The following NHS variants were observed in gnomAD, a reference collection of about 807,000 sequenced individuals.
NHS encodes the protein NHS actin remodeling regulator.
In NHS, 5 loss-of-function variants were observed where a neutral mutation model predicts 72.5. That is an observed-to-expected ratio of 0.07 (90% CI 0.04 to 0.14). The LOEUF (loss-of-function observed/expected upper bound fraction) is 0.14. NHS is among the 10% of genes least tolerant of loss of function. The pLI, the probability that NHS is intolerant of heterozygous loss-of-function variation, is 1.00. For missense variants in NHS, 1,072 were observed against 1,355.7 expected (o/e 0.79, Z 3.29); for synonymous variants, 464 against 547.7 (o/e 0.85, Z 2.13).
intron 1 of NHS, among the ~76,000 whole-genome samples, chrX:17,500,669 T>G (rs2065032902): frequency 8.9e-6 from 1 of 111,981 alleles, no homozygotes; most frequent in Non-Finnish European, 1.9e-5. Context: ...AGCGGTAACT[T>G]GATGGAAGAC....
chrX:17,394,325 A>G (rs2064461501), intron 1 of NHS, among the ~76,000 whole-genome samples: 1 of 111,818 alleles, frequency 8.9e-6, no homozygotes, highest in African/African-American at 3.3e-5. Context: ...ATAAATTTGA[A>G]CATGGTTTTA....
chrX:17,638,514 A>G (rs918408607), intron 1 of NHS, among the ~76,000 whole-genome samples: 10 of 111,920 alleles, frequency 8.9e-5, no homozygotes, highest in Non-Finnish European at 1.5e-4. Flanking sequence ...TATTGGTTTC[A>G]TCCTCTGAAT....
intron 1 of NHS, among the ~76,000 whole-genome samples, chrX:17,455,393 CATG>C (rs1269867121): frequency 1.8e-5 from 2 of 112,052 alleles, no homozygotes; most frequent in African/African-American, 6.5e-5. Context: ...TCACCATTAT[CATG>C]ATAACATATT....
chrX:17,550,958 A>G (rs1170943103), intron 1 of NHS, among the ~76,000 whole-genome samples: 1 of 110,702 alleles, frequency 9.0e-6, no homozygotes, highest in Non-Finnish European at 1.9e-5. Context: ...GAACACACCA[A>G]GCCCATCCAA....
chrX:17,434,063 C>T (rs1159154007), intron 1 of NHS, among the ~76,000 whole-genome samples: 1 of 111,756 alleles, frequency 8.9e-6, no homozygotes, highest in East Asian at 2.8e-4. Context: ...CACTGGATGT[C>T]GAATTCAGCC....
chrX:17,516,461 C>A (rs1218458837), intron 1 of NHS, among the ~76,000 whole-genome samples: 1 of 110,623 alleles, frequency 9.0e-6, no homozygotes, highest in Non-Finnish European at 1.9e-5. Flanking sequence ...TTTCCAGGGT[C>A]TGGCTTCTGC....
intron 1 of NHS, among the ~76,000 whole-genome samples, chrX:17,547,891 G>T (rs1205346739): frequency 8.9e-6 from 1 of 112,054 alleles, no homozygotes; most frequent in Admixed American, 9.4e-5. Flanking sequence ...CAGCTGCATT[G>T]TTGGGTCCTC....
intron 1 of NHS, among the ~76,000 whole-genome samples, chrX:17,460,962 C>T (rs1006853055): frequency 1.2e-4 from 13 of 111,796 alleles, no homozygotes; most frequent in Non-Finnish European, 2.4e-4. Flanking sequence ...TGCTATGTTG[C>T]CTCTCCATAG....
At chrX:17,481,312 T>C (rs1314999383) in intron 1 of NHS, among the ~76,000 whole-genome samples, 3 of 111,981 alleles carry the variant, frequency 2.7e-5, no homozygotes, top group Non-Finnish European at 5.6e-5. Context: ...GAGGGAAAGA[T>C]AAACTTTGCT....
Position 17,732,461 on chromosome X carries a change from A to G in NHS, c.4953A>G (p.Thr1651=). ...ACGACCGTTCCTCCCAGAGTTCAAC[A>G]TAGACTGCCTGTACCAGGCTGCCTG... The part of the protein sequence containing the change: ...PHDDRSSQSS[T] Residue 1651 remains threonine (T), a synonymous_variant, in exon 9 of 9, where the codon ACA becomes ACG. Coordinates refer to ENST00000676302, the MANE Select transcript of NHS (RefSeq NM_001291867.2). The G allele has an allele frequency of 8.2e-7, 1 of 1,212,562 alleles. No individual in the cohort carries two copies. The highest frequency in any genetic ancestry group is 1.8e-5 in the South Asian group (1 of 57,052).
rs367683789 is a variant in NHS at position 17,725,911 on chromosome X, C to A, written c.1805C>A (p.Thr602Lys). 8.3e-7 allele frequency: 1 copy of A among 1,209,669 alleles called. No individual in the cohort carries two copies. The highest frequency in any genetic ancestry group is 1.1e-6 in the Non-Finnish European group (1 of 895,115). ...TGTGACATCTCCTCCAACTCAGACA[C>A]GTTTGGGAGCCCCATCCACTGCATC... ...GSCDISSNSD[T>K]FGSPIHCIST... Residue 602 changes from threonine (T) to lysine (K), a missense_variant, in exon 7 of 9, where the codon ACG becomes AAG. Thr to Lys is a moderately conservative substitution (Grantham distance 78). Transcript: ENST00000676302.
At chrX:17,550,577 C>T (rs759258689) in intron 1 of NHS, among the ~76,000 whole-genome samples, 38 of 111,708 alleles carry the variant, frequency 3.4e-4, no homozygotes, top group African/African-American at 1.2e-3. Context: ...GCCCATGGGG[C>T]TCCTCTCTTT....
At chrX:17,722,437 A>C (rs2066411976) in intron 5 of NHS, among the ~76,000 whole-genome samples, 1 of 112,020 alleles carries the variant, frequency 8.9e-6, no homozygotes, top group African/African-American at 3.2e-5. Flanking sequence ...CAAAACAGCC[A>C]TGTTATGACT....
At chrX:17,618,849 T>C (rs2065759318) in intron 1 of NHS, among the ~76,000 whole-genome samples, 1 of 112,360 alleles carries the variant, frequency 8.9e-6, no homozygotes, top group African/African-American at 3.2e-5. Context: ...AATTACAGTC[T>C]GTTATTTAAG....
intron 1 of NHS, among the ~76,000 whole-genome samples, chrX:17,646,575 T>A (rs1158692961): frequency 8.9e-6 from 1 of 111,909 alleles, no homozygotes; most frequent in Admixed American, 9.5e-5. Context: ...ATGTCATTTC[T>A]GATTCTGCTG....
intron 1 of NHS, among the ~76,000 whole-genome samples, chrX:17,450,725 A>T (rs952060957): frequency 8.9e-6 from 1 of 111,982 alleles, no homozygotes; most frequent in African/African-American, 3.2e-5. Flanking sequence ...AAAATACAAA[A>T]ATAAGCTGGG....
intron 1 of NHS, among the ~76,000 whole-genome samples, chrX:17,409,543 G>A (rs952778149): frequency 9.0e-6 from 1 of 111,157 alleles, no homozygotes. Flanking sequence ...AAATCTCAAT[G>A]GCTCATATAA....
At chrX:17,423,188 G>A (rs1413347893) in intron 1 of NHS, among the ~76,000 whole-genome samples, 1 of 112,070 alleles carries the variant, frequency 8.9e-6, no homozygotes, top group East Asian at 2.8e-4. Context: ...CAAAATATGA[G>A]AAAACTTGAA....
chrX:17,484,150 G>A (rs1018285695), intron 1 of NHS, among the ~76,000 whole-genome samples: 1 of 112,197 alleles, frequency 8.9e-6, no homozygotes, highest in Non-Finnish European at 1.9e-5. Context: ...ACTAATGAAA[G>A]CGTTTTTATT....
Sources: allele counts gnomAD v4.1 joint callset (sites outside exome capture counted in the v4.1 genomes callset), GRCh38; gene constraint gnomAD v4.1.1; transcripts MANE v1.5; gene names NCBI Gene and HGNC (gene_info 2026-07-23, HGNC 2026-07-21).